The following CFAP77 variants were observed in gnomAD, a reference collection of about 807,000 sequenced individuals.
CFAP77 encodes cilia and flagella associated protein 77.
CFAP77 carries 25 observed loss-of-function variants against 31.1 expected under a neutral mutation model. That is an observed-to-expected ratio of 0.80 (90% CI 0.59 to 1.12). The LOEUF (loss-of-function observed/expected upper bound fraction) is 1.12. CFAP77 is among the 50% of genes most tolerant of loss of function. The pLI is 0.00. For synonymous variants in CFAP77, 151 were observed against 159.9 expected, an observed-to-expected ratio of 0.94 and a Z score of 0.42; for missense variants, 377 against 397.3, an observed-to-expected ratio of 0.95 and a Z score of 0.44.
chr9:132,505,513 G>A (rs888892910), intron 3 of CFAP77, among the ~76,000 whole-genome samples: 1 of 151,938 alleles, frequency 6.6e-6, no homozygotes, highest in African/African-American at 2.4e-5. Context: ...GCAGACTGGG[G>A]GCCGTGTAGA....
intron 1 of CFAP77, among the ~76,000 whole-genome samples, chr9:132,416,426 C>T (rs1381507908): frequency 5.3e-5 from 8 of 149,594 alleles, no homozygotes; most frequent in Non-Finnish European, 7.4e-5. Flanking sequence ...CCACAACCTC[C>T]GCCTCCCCGG....
chr9:132,520,739 A>AG (rs1180777647), intron 3 of CFAP77, among the ~76,000 whole-genome samples: 1 of 152,150 alleles, frequency 6.6e-6, no homozygotes, highest in Non-Finnish European at 1.5e-5. Flanking sequence ...GCCCTCACCA[A>AG]GCTCCTGGCC....
intron 1 of CFAP77, among the ~76,000 whole-genome samples, chr9:132,423,278 T>G (rs954373680): frequency 1.2e-4 from 18 of 152,216 alleles, no homozygotes; most frequent in African/African-American, 4.3e-4. Context: ...CAGGATCACC[T>G]CACAGGATGC....
intron 1 of CFAP77, among the ~76,000 whole-genome samples, chr9:132,428,374 A>G (rs1850351362): frequency 6.6e-6 from 1 of 152,002 alleles, no homozygotes; most frequent in South Asian, 2.1e-4. Flanking sequence ...TAATCCCAGC[A>G]CTTTGGGAGG....
rs199572965 is a variant in CFAP77 at position 132,499,593 on chromosome 9, C to T, written c.517C>T (p.Arg173Trp). The T allele has an allele frequency of 1.5e-5, 25 of 1,614,130 alleles. No individual in the cohort carries two copies. Among genetic ancestry groups the T allele is most frequent in the East Asian group, 1.3e-4 (6 of 44,870 alleles). The change falls in exon 3 of 6, where the codon CGG becomes TGG. Residue 173 changes from arginine (R) to tryptophan (W), a missense_variant. Arg to Trp is a moderately radical substitution (Grantham distance 101, BLOSUM62 -3). Coordinates refer to ENST00000393216, the MANE Select transcript of CFAP77 (RefSeq NM_001282957.2). The surrounding 1 kb of genome is among the most constrained non-coding windows in gnomAD (Gnocchi z 5.4). ...PLPPNMTFGI[R>W]ARPSTPFFDL... ...CCCTCCAAACATGACATTTGGGATCCGGGCACGGTAAGGTGGCTGGCAGCC... is the reference window on the plus strand; with the variant it reads ...CCCTCCAAACATGACATTTGGGATCTGGGCACGGTAAGGTGGCTGGCAGCC...
In CFAP77 at chr9:132,499,439, C is replaced by G. The variant is rs140401529; in HGVS notation, c.363C>G (p.Ile121Met). 1 of 1,614,206 alleles carries G rather than the reference C, an allele frequency of 6.2e-7. No homozygotes were observed. Among genetic ancestry groups the G allele is most frequent in the East Asian group, 2.2e-5 (1 of 44,868 alleles). Residue 121 changes from isoleucine to methionine, a missense_variant, in exon 3 of 6, where the codon ATC (isoleucine) becomes ATG (methionine). Coordinates refer to ENST00000393216, the MANE Select transcript of CFAP77 (RefSeq NM_001282957.2). The surrounding 1 kb of genome is among the most constrained non-coding windows in gnomAD (Gnocchi z 5.4). Reference protein sequence around the residue: ...TCPHELTRNYIAMNRGAVKAG... With the variant: ...TCPHELTRNYMAMNRGAVKAG... ...CCCACGAGCTGACCCGGAATTATAT[C>G]GCAATGAACCGCGGGGCGGTGAAAG...
chr9:132,489,033 G>A (rs893370159), intron 1 of CFAP77, among the ~76,000 whole-genome samples: 1 of 152,218 alleles, frequency 6.6e-6, no homozygotes, highest in African/African-American at 2.4e-5. Context: ...GAAGGCAGCT[G>A]AGGAGGGAGG....
rs76185047 is a variant in CFAP77, at chr9:132,460,641, C to T, written c.196-38054C>T. Among the ~76,000 whole-genome samples the T allele has an allele frequency of 9.4e-3, 1,434 of 152,164 alleles. 18 individuals carry two copies. The highest frequency in any genetic ancestry group is 0.032 in the African/African-American group (1,313 of 41,520). ...GGGGGTGTGAGGAGTGGCTGCTCAA[C>T]GGGTATGAGATAACCTTTTGGGGTG... On this transcript the variant is annotated intron_variant, in intron 1 of 5. Transcript: ENST00000393216.
chr9:132,571,319 C>T (rs1432615021), intron 5 of CFAP77, among the ~76,000 whole-genome samples: 1 of 152,166 alleles, frequency 6.6e-6, no homozygotes, highest in Non-Finnish European at 1.5e-5. Context: ...GGCCAGCAGC[C>T]ACGCTACCCC....
chr9:132,505,209 T>C (rs1851913002), intron 3 of CFAP77, among the ~76,000 whole-genome samples: 1 of 152,198 alleles, frequency 6.6e-6, no homozygotes, highest in African/African-American at 2.4e-5. Context: ...CCAACCCCCA[T>C]CCATGTCTAG....
intron 1 of CFAP77, among the ~76,000 whole-genome samples, chr9:132,493,537 A>G (rs1851684592): frequency 6.6e-6 from 1 of 152,248 alleles, no homozygotes; most frequent in Non-Finnish European, 1.5e-5. Flanking sequence ...AGACACAGTC[A>G]TGGATGAATG....
intron 5 of CFAP77, among the ~76,000 whole-genome samples, chr9:132,557,343 G>A (rs1012748178): frequency 1.3e-5 from 2 of 152,322 alleles, no homozygotes; most frequent in South Asian, 4.1e-4. Context: ...CCGGCCTCCC[G>A]GTGGAACCAG....
At chr9:132,445,441 T>C (rs1450265511) in intron 1 of CFAP77, among the ~76,000 whole-genome samples, 1 of 152,242 alleles carries the variant, frequency 6.6e-6, no homozygotes, top group Non-Finnish European at 1.5e-5. Context: ...ATAAATACTA[T>C]TCCACTGTAT....
intron 5 of CFAP77, among the ~76,000 whole-genome samples, chr9:132,547,203 T>C (rs1013542557): frequency 6.6e-6 from 1 of 152,164 alleles, no homozygotes; most frequent in East Asian, 1.9e-4. Flanking sequence ...AGTAATGTGG[T>C]ACATCTGTGT....
In CFAP77 at chr9:132,499,601, G is replaced by C; in HGVS notation, c.524+1G>C. The C allele has an allele frequency of 6.2e-7, 1 of 1,614,066 alleles. No homozygotes were observed. The highest frequency in any genetic ancestry group is 8.5e-7 in the Non-Finnish European group (1 of 1,179,890). ...ACATGACATTTGGGATCCGGGCACG[G>C]TAAGGTGGCTGGCAGCCAGGGCTTC... On this transcript the variant is annotated splice_donor_variant, in intron 3 of 5. Transcript: ENST00000393216. LOFTEE classifies it high-confidence loss of function. This position sits in a 1 kb window ranked among gnomAD's most constrained non-coding sequence, Gnocchi z 5.4.
chr9:132,562,637 G>T (rs1448640537), intron 5 of CFAP77, among the ~76,000 whole-genome samples: 1 of 152,130 alleles, frequency 6.6e-6, no homozygotes, highest in Admixed American at 6.5e-5. Context: ...CCTGTCCACT[G>T]CAGTAGCCAC....
chr9:132,534,341 G>A (rs371701626), intron 3 of CFAP77, among the ~76,000 whole-genome samples: 13 of 152,018 alleles, frequency 8.6e-5, no homozygotes, highest in East Asian at 3.9e-4. Context: ...GGCCGGGCAC[G>A]GTGGCTCATG....
intron 5 of CFAP77, among the ~76,000 whole-genome samples, chr9:132,548,865 G>T (rs1852778686): frequency 6.6e-6 from 1 of 152,248 alleles, no homozygotes; most frequent in African/African-American, 2.4e-5. Context: ...TTAGAATAAT[G>T]GCCCAAGCTA....
At chr9:132,510,063 C>T (rs17149211) in intron 3 of CFAP77, among the ~76,000 whole-genome samples, 1 of 152,000 alleles carries the variant, frequency 6.6e-6, no homozygotes, top group South Asian at 2.1e-4. Flanking sequence ...CTGACACTCG[C>T]GGCATCCCAA....
Sources: allele counts gnomAD v4.1 joint callset (sites outside exome capture counted in the v4.1 genomes callset), GRCh38; gene constraint gnomAD v4.1.1; non-coding constraint Gnocchi (gnomAD v3.1); transcripts MANE v1.5; gene names NCBI Gene and HGNC (gene_info 2026-07-23, HGNC 2026-07-21).